The following CADPS variants were observed in gnomAD, a reference collection of about 807,000 sequenced individuals.
CADPS encodes the protein calcium-dependent secretion activator 1.
A neutral mutation model predicts 167.3 loss-of-function variants in CADPS; 57 were observed. The ratio of observed to expected loss-of-function variants is 0.34; its 90% CI spans 0.28 to 0.42. The LOEUF is 0.42. Ranked by LOEUF, CADPS falls within the 20% of genes least tolerant of loss-of-function variation. The probability of loss-of-function intolerance (pLI) is 1.00; values close to 1 mark genes in which losing one functional copy is unlikely to be tolerated. For synonymous variants in CADPS, 676 were observed against 635.3 expected (o/e 1.06, Z -0.96); for missense variants, 1,414 against 1,738.1 (o/e 0.81, Z 3.32).
At chr3:62,559,881 G>A (rs539942593) in intron 9 of CADPS, among the ~76,000 whole-genome samples, 5 of 151,500 alleles carry the variant, frequency 3.3e-5, no homozygotes, top group South Asian at 4.2e-4. Flanking sequence ...GAGAGTTGCC[G>A]ACACTCACTT....
chr3:62,664,449 A>G (rs2048496), intron 3 of CADPS, among the ~76,000 whole-genome samples: 25,157 of 152,230 alleles, frequency 0.17, 2,311 homozygotes, highest in Middle Eastern at 0.23. Flanking sequence ...GTCCATCCCA[A>G]TAACCACTTG....
intron 9 of CADPS, 134 bp from the exon 10 acceptor site, chr3:62,557,647 G>C (rs759078306): frequency 1.0e-5 from 7 of 691,582 alleles, no homozygotes; most frequent in Admixed American, 2.1e-5. Context: ...CCTCCTGGCT[G>C]TGTGACGTTG....
At chr3:62,527,737 G>A (rs895440208) in intron 13 of CADPS, among the ~76,000 whole-genome samples, 1 of 152,166 alleles carries the variant, frequency 6.6e-6, no homozygotes, top group Non-Finnish European at 1.5e-5. Context: ...TCTGCCGGTG[G>A]AAATGCTGAG....
At chr3:62,737,584 C>T (rs960901412) in intron 3 of CADPS, among the ~76,000 whole-genome samples, 3 of 152,178 alleles carry the variant, frequency 2.0e-5, no homozygotes, top group Non-Finnish European at 4.4e-5. Context: ...GTCTCTCACT[C>T]GTAAACACCT....
chr3:62,841,064 C>T (rs1190377087), intron 1 of CADPS, among the ~76,000 whole-genome samples: 2 of 152,146 alleles, frequency 1.3e-5, no homozygotes, highest in African/African-American at 2.4e-5. Flanking sequence ...TACTCCATTC[C>T]CCATTTCCAG....
Position 62,697,863 on chromosome 3 carries a change from G to A in CADPS, c.889-35469C>T, listed in dbSNP as rs762273744. ...CATTTCTCTAATCATTAGTGATGTC[G>A]AGTATTTTTTCATGTTTGTTGGCCA... On this transcript the variant is annotated intron_variant, in intron 3 of 29. Coordinates refer to ENST00000383710, the MANE Select transcript of CADPS (RefSeq NM_003716.4). Among the ~76,000 whole-genome samples the A allele has an allele frequency of 6.6e-5, 10 of 151,944 alleles. No individual in the cohort carries two copies. In the East Asian group the frequency reaches 7.7e-4, roughly 12 times the overall value.
At chr3:62,466,189 T>C in intron 25 of CADPS, 150 bp downstream of exon 25, 1 of 605,594 alleles carries the variant, frequency 1.7e-6, no homozygotes, top group Non-Finnish European at 2.9e-6. Flanking sequence ...CGGAAAATCA[T>C]TTAGAGCTGA....
intron 1 of CADPS, among the ~76,000 whole-genome samples, chr3:62,795,254 T>C (rs1462334323): frequency 6.6e-6 from 1 of 152,050 alleles, no homozygotes; most frequent in Non-Finnish European, 1.5e-5. Flanking sequence ...GAAATCACCA[T>C]CTCTAAGAGG....
intron 16 of CADPS, among the ~76,000 whole-genome samples, chr3:62,512,970 G>A: frequency 6.6e-6 from 1 of 152,112 alleles, no homozygotes. Flanking sequence ...GGAAAATGCT[G>A]CACAAATAGA....
intron 1 of CADPS, among the ~76,000 whole-genome samples, chr3:62,807,505 A>G (rs934628762): frequency 6.6e-6 from 1 of 151,858 alleles, no homozygotes; most frequent in African/African-American, 2.4e-5. Flanking sequence ...CAAGTACTTC[A>G]CCTGCCTCGG....
At chr3:62,724,609 G>T (rs1451388988) in intron 3 of CADPS, among the ~76,000 whole-genome samples, 2 of 152,084 alleles carry the variant, frequency 1.3e-5, no homozygotes, top group Non-Finnish European at 2.9e-5. Context: ...GGGACTGTTG[G>T]TATTCTCATA....
chr3:62,871,841 G>C (rs1351188861), intron 1 of CADPS, among the ~76,000 whole-genome samples: 1 of 152,130 alleles, frequency 6.6e-6, no homozygotes, highest in Non-Finnish European at 1.5e-5. Flanking sequence ...ATTAGATATG[G>C]AGTATATAGG....
chr3:62,731,980 A>T (rs1255144719), intron 3 of CADPS, among the ~76,000 whole-genome samples: 1 of 151,970 alleles, frequency 6.6e-6, no homozygotes, highest in African/African-American at 2.4e-5. Flanking sequence ...AGAAGGATGT[A>T]GGGGCAGTGC....
intron 1 of CADPS, among the ~76,000 whole-genome samples, chr3:62,841,640 G>A (rs958296484): frequency 1.3e-5 from 2 of 152,156 alleles, no homozygotes; most frequent in African/African-American, 4.8e-5. Flanking sequence ...GGTCGAGGCT[G>A]CAGCGAGCCC....
chr3:62,814,425 T>C (rs1040763570), intron 1 of CADPS: 3 of 152,160 alleles, frequency 2.0e-5, no homozygotes, highest in Non-Finnish European at 4.4e-5. Flanking sequence ...ATTGGAAAGA[T>C]TACAAAGAAG....
At chr3:62,680,180 A>G (rs2076932797) in intron 3 of CADPS, among the ~76,000 whole-genome samples, 1 of 149,682 alleles carries the variant, frequency 6.7e-6, no homozygotes, top group Non-Finnish European at 1.5e-5. Flanking sequence ...CAGGTGAGAC[A>G]TAATGCACAG....
chr3:62,651,132 T>A, intron 4 of CADPS, 52 bp from the exon 5 acceptor site: 1 of 1,297,954 alleles, frequency 7.7e-7, no homozygotes, highest in Non-Finnish European at 1.1e-6. Context: ...AAAGCTGATT[T>A]ATAAAGAAGG....
At chr3:62,525,651 G>A (rs1297223490) in intron 13 of CADPS, among the ~76,000 whole-genome samples, 1 of 149,660 alleles carries the variant, frequency 6.7e-6, no homozygotes, top group Non-Finnish European at 1.5e-5. Context: ...GGGAAAAAGG[G>A]TTGAGAAGCA....
chr3:62,758,706 C>A (rs555975432), intron 2 of CADPS, among the ~76,000 whole-genome samples: 1 of 152,332 alleles, frequency 6.6e-6, no homozygotes, highest in Non-Finnish European at 1.5e-5. Context: ...ATCCTCCCTG[C>A]TTTTCTGCCA....
Sources: allele counts gnomAD v4.1 joint callset (sites outside exome capture counted in the v4.1 genomes callset), GRCh38; gene constraint gnomAD v4.1.1; transcripts MANE v1.5; gene names NCBI Gene and HGNC (gene_info 2026-07-23, HGNC 2026-07-21).